ACSM2B: variants seen among roughly 807,000 people sequenced by gnomAD.
The protein encoded by ACSM2B is acyl-coenzyme A synthetase ACSM2B, mitochondrial.
ACSM2B carries 58 observed loss-of-function variants against 78.6 expected under a neutral mutation model. The ratio of observed to expected loss-of-function variants is 0.74; its 90% confidence interval spans 0.60 to 0.92. The LOEUF (loss-of-function observed/expected upper bound fraction) is 0.92. ACSM2B is among the 40% of genes least tolerant of loss of function. The pLI is 0.00. For synonymous variants in ACSM2B, 257 were observed against 256.8 expected (o/e 1.00, Z -0.01); for missense variants, 688 against 711.2 (o/e 0.97, Z 0.37).
chr16:20,551,475 GC>G (rs1244810892), intron 6 of ACSM2B, among the ~76,000 whole-genome samples: 3 of 151,906 alleles, frequency 2.0e-5, no homozygotes, highest in Non-Finnish European at 4.4e-5. Flanking sequence ...TGAGAATATA[GC>G]AGTAAGGGAG....
rs1567205681 is a variant in ACSM2B at position 20,543,204 on chromosome 16, CG to C, written c.1339del (p.Arg447GlyfsTer32). The C allele has an allele frequency of 6.2e-7, 1 of 1,613,852 alleles. No homozygotes were observed. Among genetic ancestry groups the C allele is most frequent in the Non-Finnish European group, 8.5e-7 (1 of 1,179,870 alleles). ...ATACCCATCTTCATCTTTGATTCCCCGGTCTCCAAGGAGCCAAAAGTCTCCT... is the reference window on the plus strand; with the variant it reads ...ATACCCATCTTCATCTTTGATTCCCCGTCTCCAAGGAGCCAAAAGTCTCCT... ...IRGDFWLLGD[R>X]GIKDEDGYFQ... On this transcript the variant is annotated frameshift_variant, in exon 11 of 14. Coordinates refer to ENST00000329697, the MANE Select transcript of ACSM2B (RefSeq NM_001105069.2). LOFTEE classifies it high-confidence loss of function.
At chr16:20,567,437 A>AATATATAGTATATTATT in intron 1 of ACSM2B, among the ~76,000 whole-genome samples, 1 of 119,334 alleles carries the variant, frequency 8.4e-6, no homozygotes, top group Middle Eastern at 4.3e-3. Context: ...ATTAATATAT[A>AATATATAGTATATTATT]ATATATAGTA....
In ACSM2B at chr16:20,572,675, A is replaced by G. The variant is rs528310065; in HGVS notation, c.-9+3532T>C. Among the ~76,000 whole-genome samples the G allele has an allele frequency of 2.6e-5, 4 of 151,312 alleles. No homozygotes were observed. In the East Asian group the frequency reaches 7.9e-4, roughly 30 times the overall value. ...ATTATTTCCTTGAATACATTTCCCAAACTTTTAGATGTCTCTTCTATCTCA... is the reference window on the plus strand; with the variant it reads ...ATTATTTCCTTGAATACATTTCCCAGACTTTTAGATGTCTCTTCTATCTCA... On this transcript the variant is annotated intron_variant, in intron 1 of 13. Coordinates refer to ENST00000329697, the MANE Select transcript of ACSM2B (RefSeq NM_001105069.2).
intron 1 of ACSM2B, among the ~76,000 whole-genome samples, chr16:20,573,139 C>A (rs1262914232): frequency 1.3e-5 from 2 of 151,670 alleles, no homozygotes; most frequent in Admixed American, 1.3e-4. Flanking sequence ...TGTTAAACAG[C>A]CTTGTTTTAT....
intron 1 of ACSM2B, among the ~76,000 whole-genome samples, chr16:20,566,750 C>CTA (rs1567218696): frequency 2.4e-5 from 1 of 42,442 alleles, no homozygotes; most frequent in East Asian, 1.8e-3. Flanking sequence ...ACTATATATA[C>CTA]TATATATAGT....
At chr16:20,540,213 G>T (rs9921876) in intron 13 of ACSM2B, among the ~76,000 whole-genome samples, 287 of 76,716 alleles carry the variant, frequency 3.7e-3, no homozygotes, top group African/African-American at 0.012. Context: ...AGGAAGAGTT[G>T]TTTTTTTTTT....
chr16:20,564,974 T>C (rs2015779644), intron 1 of ACSM2B, 121 bp from the exon 2 acceptor site: 1 of 1,353,234 alleles, frequency 7.4e-7, no homozygotes, highest in Middle Eastern at 2.6e-4. Context: ...TAATTTGCTG[T>C]AGTTATGAGT....
chr16:20,565,606 T>C (rs1365780362), intron 1 of ACSM2B, among the ~76,000 whole-genome samples: 2 of 152,118 alleles, frequency 1.3e-5, no homozygotes, highest in Admixed American at 1.3e-4. Context: ...ACATCCTAAA[T>C]CGCAGGTCCT....
chr16:20,564,080 G>A (rs1196170890), intron 2 of ACSM2B, among the ~76,000 whole-genome samples: 4 of 151,868 alleles, frequency 2.6e-5, no homozygotes, highest in African/African-American at 4.8e-5. Flanking sequence ...TTTCTGGGAA[G>A]ACTCAGTCTT....
At chr16:20,559,160 A>G (rs2015563896) in intron 3 of ACSM2B, 77 bp downstream of exon 3, 3 of 1,492,560 alleles carry the variant, frequency 2.0e-6, no homozygotes, top group Non-Finnish European at 2.7e-6. Context: ...TTCTTTTGAG[A>G]GAGGTGGCTG....
At chr16:20,547,356 C>T in intron 8 of ACSM2B, 2 of 985,168 alleles carry the variant, frequency 2.0e-6, no homozygotes, top group South Asian at 4.7e-5. Context: ...CACAGAGCTG[C>T]CATCAACACT....
chr16:20,567,414 T>C (rs1177012644), intron 1 of ACSM2B, among the ~76,000 whole-genome samples: 4 of 118,898 alleles, frequency 3.4e-5, no homozygotes, highest in East Asian at 2.1e-4. Context: ...TTATATAATA[T>C]ATAATATAGT....
intron 5 of ACSM2B, among the ~76,000 whole-genome samples, chr16:20,552,777 T>G (rs1299454186): frequency 6.6e-6 from 1 of 152,212 alleles, no homozygotes; most frequent in East Asian, 1.9e-4. Context: ...ATCCCTTTTC[T>G]CTTTTCAGGG....
At chr16:20,549,169 G>A (rs554651751) in intron 6 of ACSM2B, among the ~76,000 whole-genome samples, 2 of 152,250 alleles carry the variant, frequency 1.3e-5, no homozygotes, top group Admixed American at 6.5e-5. Context: ...TTTGCAGCAT[G>A]TATTCCTGTC....
intron 1 of ACSM2B, among the ~76,000 whole-genome samples, chr16:20,570,997 A>G (rs986026522): frequency 5.9e-5 from 9 of 151,604 alleles, no homozygotes; most frequent in African/African-American, 2.2e-4. Context: ...TGGTCTATCA[A>G]TCTTATTTGT....
intron 1 of ACSM2B, among the ~76,000 whole-genome samples, chr16:20,565,056 C>A (rs1049874882): frequency 1.3e-5 from 2 of 152,100 alleles, no homozygotes; most frequent in African/African-American, 4.8e-5. Context: ...AGGATACAGA[C>A]CCAGTCCTAG....
In ACSM2B at chr16:20,552,284, G is replaced by T. The variant is rs540152177; in HGVS notation, c.754C>A (p.Gln252Lys). 1 of 1,611,066 alleles carries T rather than the reference G, an allele frequency of 6.2e-7. No homozygotes were observed. The highest frequency in any genetic ancestry group is 2.2e-5 in the East Asian group (1 of 44,868). The change falls in exon 6 of 14, where the codon CAA becomes AAA. Residue 252 changes from glutamine to lysine, a missense_variant. Physicochemically the swap from Gln to Lys is moderately conservative, Grantham distance 53 (BLOSUM62 1). Transcript: ENST00000329697. ...ATGGTCCACATTATATCAGAGGCTT[G>T]CAGGCCTGTCCAACTGAAAACACAG... Reference protein sequence around the residue: ...AKMDAGWTGLQASDIMWTISD... With the variant: ...AKMDAGWTGLKASDIMWTISD...
chr16:20,549,661 G>A, intron 6 of ACSM2B: 2 of 367,086 alleles, frequency 5.4e-6, no homozygotes, highest in South Asian at 4.2e-5. Context: ...CCATGGCCAT[G>A]ACAGAGCCCT....
intron 1 of ACSM2B, among the ~76,000 whole-genome samples, chr16:20,573,174 G>A (rs952528227): frequency 6.6e-6 from 1 of 151,712 alleles, no homozygotes; most frequent in Admixed American, 6.6e-5. Flanking sequence ...CGTTTTCCTG[G>A]TTCCTTCTCA....
Sources: gnomAD v4.1 joint callset for allele counts (sites outside exome capture counted in the v4.1 genomes callset) on GRCh38, gnomAD v4.1.1 for gene constraint, MANE v1.5 for transcripts, NCBI Gene and HGNC (gene_info 2026-07-23, HGNC 2026-07-21) for gene names.